The following DSCAM variants were observed in gnomAD, a reference collection of about 807,000 sequenced individuals.
DSCAM encodes the protein DS cell adhesion molecule.
In DSCAM, 47 loss-of-function variants were observed where a neutral mutation model predicts 217.7. The observed-to-expected ratio is 0.22, with a 90% CI of 0.17 to 0.28. DSCAM has a LOEUF of 0.28. Among genes scored for constraint, DSCAM ranks in the 10% least tolerant of loss-of-function variants. The probability of loss-of-function intolerance (pLI) is 1.00; values close to 1 mark genes in which losing one functional copy is unlikely to be tolerated. For missense variants in DSCAM, 2,080 were observed against 2,618.3 expected, an observed-to-expected ratio of 0.79 and a Z score of 4.49; for synonymous variants, 1,056 against 1,015.3, an observed-to-expected ratio of 1.04 and a Z score of -0.76.
chr21:40,624,809 C>T (rs866930510), intron 3 of DSCAM, among the ~76,000 whole-genome samples: 2 of 152,276 alleles, frequency 1.3e-5, no homozygotes, highest in South Asian at 4.2e-4. Flanking sequence ...TCCAACCTTC[C>T]AAGCACCTGC....
chr21:40,079,686 G>A (rs1252984806), intron 25 of DSCAM, among the ~76,000 whole-genome samples: 2 of 151,830 alleles, frequency 1.3e-5, no homozygotes, highest in Non-Finnish European at 2.9e-5. Flanking sequence ...TGATTTCTTT[G>A]GGATTCATCT....
chr21:40,644,509 C>T (rs2089920109), intron 3 of DSCAM, among the ~76,000 whole-genome samples: 2 of 152,182 alleles, frequency 1.3e-5, no homozygotes, highest in African/African-American at 4.8e-5. Context: ...GTAGTTTCCA[C>T]CTCAGCCTCT....
chr21:40,342,636 A>G lies in DSCAM; in HGVS notation c.1211-3221T>C, dbSNP rs1476206595. Among the ~76,000 whole-genome samples, 17 of 89,754 alleles carry G rather than the reference A, an allele frequency of 1.9e-4. 1 individual carries two copies. Among genetic ancestry groups the G allele is most frequent in the African/African-American group, 7.5e-4 (16 of 21,298 alleles). 58.9% of individuals were successfully genotyped at this position (89,754 alleles called of 152,430 possible). A position where few individuals can be genotyped will look rare whatever the true frequency, so the allele number is the denominator to read the frequency against. On this transcript the variant is annotated intron_variant, in intron 6 of 32. Coordinates refer to ENST00000400454, the MANE Select transcript of DSCAM (RefSeq NM_001389.5). ...TGTGTGTGTGTGTGTGTATATATATATATATATATATATTTTTTTTTTTTT... is the reference window on the plus strand; with the variant it reads ...TGTGTGTGTGTGTGTGTATATATATGTATATATATATATTTTTTTTTTTTT...
At position 40,721,840 on chromosome 21, in the gene DSCAM, C is replaced by A. The variant is rs182830800; in HGVS notation, c.44-13069G>T. On this transcript the variant is annotated intron_variant, in intron 1 of 32. Transcript: ENST00000400454. ...AAATTCAACAAACACCAAACAGAAG[C>A]ATGTAGAAAACCACAACATGACACA... Among the ~76,000 whole-genome samples the A allele has an allele frequency of 5.2e-3, 788 of 152,034 alleles. 3 individuals are homozygous for A. Among genetic ancestry groups the A allele is most frequent in the African/African-American group, 0.018 (739 of 41,480 alleles).
intron 18 of DSCAM, among the ~76,000 whole-genome samples, chr21:40,137,600 C>CACACACACAT (rs1212399885): frequency 3.9e-4 from 35 of 90,264 alleles, no homozygotes; most frequent in African/African-American, 1.5e-3. Flanking sequence ...TTAATACACA[C>CACACACACAT]ACACACACAC....
At chr21:40,476,721 G>C (rs1171989547) in intron 3 of DSCAM, among the ~76,000 whole-genome samples, 3 of 152,108 alleles carry the variant, frequency 2.0e-5, no homozygotes, top group Non-Finnish European at 4.4e-5. Flanking sequence ...GCAGGTCATA[G>C]GGAAAGCTTT....
intron 21 of DSCAM, among the ~76,000 whole-genome samples, chr21:40,090,780 T>C (rs2089598622): frequency 6.6e-6 from 1 of 152,204 alleles, no homozygotes; most frequent in East Asian, 1.9e-4. Context: ...TCCTGCCAGA[T>C]GTCTCTTGAG....
At chr21:40,523,878 C>CCACA (rs2076379462) in intron 3 of DSCAM, among the ~76,000 whole-genome samples, 1 of 152,228 alleles carries the variant, frequency 6.6e-6, no homozygotes, top group East Asian at 1.9e-4. Flanking sequence ...GTCGGAGTCA[C>CCACA]CACAGCCTGC....
intron 1 of DSCAM, among the ~76,000 whole-genome samples, chr21:40,801,984 TGGA>T (rs1481400484): frequency 1.3e-5 from 2 of 152,132 alleles, no homozygotes; most frequent in Admixed American, 1.3e-4. Flanking sequence ...TAATATCTAA[TGGA>T]GCCATAGAGG....
chr21:40,808,065 C>T (rs996162016), intron 1 of DSCAM, among the ~76,000 whole-genome samples: 3 of 152,114 alleles, frequency 2.0e-5, no homozygotes, highest in South Asian at 2.1e-4. Flanking sequence ...CAACCAAAGA[C>T]GCCTCCTCCC....
chr21:40,773,045 G>A (rs1030928830), intron 1 of DSCAM, among the ~76,000 whole-genome samples: 7 of 152,220 alleles, frequency 4.6e-5, no homozygotes, highest in Non-Finnish European at 8.8e-5. Context: ...GGCGCTCTGT[G>A]CGCCAGAGCC....
intron 15 of DSCAM, among the ~76,000 whole-genome samples, chr21:40,174,284 A>G (rs539546960): frequency 6.6e-6 from 1 of 152,328 alleles, no homozygotes; most frequent in African/African-American, 2.4e-5. Flanking sequence ...ATAACGCTTT[A>G]TGCACTTTCA....
At chr21:40,781,064 A>C (rs929815393) in intron 1 of DSCAM, among the ~76,000 whole-genome samples, 1 of 151,850 alleles carries the variant, frequency 6.6e-6, no homozygotes, top group African/African-American at 2.4e-5. Flanking sequence ...GCTGGAGTGC[A>C]GTGGCACAAT....
intron 8 of DSCAM, among the ~76,000 whole-genome samples, chr21:40,322,868 T>G (rs912584625): frequency 8.5e-5 from 13 of 152,064 alleles, no homozygotes; most frequent in African/African-American, 3.1e-4. Context: ...GAAAAGGTGT[T>G]TAAGACCCAC....
intron 11 of DSCAM, among the ~76,000 whole-genome samples, chr21:40,247,625 T>C (rs558179249): frequency 3.1e-4 from 47 of 152,346 alleles, no homozygotes; most frequent in Non-Finnish European, 1.0e-4. Flanking sequence ...GTTCCACCCC[T>C]GAGGCTTTCC....
chr21:40,157,787 C>A (rs1254007192), intron 16 of DSCAM, among the ~76,000 whole-genome samples: 2 of 151,990 alleles, frequency 1.3e-5, no homozygotes, highest in Non-Finnish European at 2.9e-5. Flanking sequence ...CTCGACCTCC[C>A]AGGCTCAAGT....
intron 18 of DSCAM, 94 bp from the exon 19 acceptor site, chr21:40,134,103 C>A: frequency 6.9e-7 from 1 of 1,447,266 alleles, no homozygotes. Flanking sequence ...CTGTGCCATG[C>A]CATCACCCGT....
At chr21:40,570,179 T>A (rs1419678112) in intron 3 of DSCAM, among the ~76,000 whole-genome samples, 1 of 152,138 alleles carries the variant, frequency 6.6e-6, no homozygotes, top group South Asian at 2.1e-4. Context: ...CAGAAAGAGA[T>A]CTCCCACAGT....
intron 1 of DSCAM, among the ~76,000 whole-genome samples, chr21:40,780,982 A>G (rs1270414719): frequency 6.6e-6 from 1 of 151,590 alleles, no homozygotes; most frequent in Non-Finnish European, 1.5e-5. Context: ...AAGATGTTTA[A>G]CATGTATCTC....
Sources: gnomAD v4.1 joint callset for allele counts (sites outside exome capture counted in the v4.1 genomes callset) on GRCh38, gnomAD v4.1.1 for gene constraint, MANE v1.5 for transcripts, NCBI Gene and HGNC (gene_info 2026-07-23, HGNC 2026-07-21) for gene names.